Variants in AKAP9 observed in about 807,000 individuals in gnomAD.
AKAP9 encodes the protein A-kinase anchor protein 9.
A neutral mutation model predicts 488.5 loss-of-function variants in AKAP9; 311 were observed. The ratio of observed to expected loss-of-function variants is 0.64; its 90% CI spans 0.58 to 0.70. The LOEUF (loss-of-function observed/expected upper bound fraction) is 0.70, where lower values mean the gene tolerates loss of function less well. Ranked by LOEUF, AKAP9 falls within the 30% of genes least tolerant of loss-of-function variation. The probability of loss-of-function intolerance (pLI) is 0.00; values close to 1 mark genes in which losing one functional copy is unlikely to be tolerated. For missense variants in AKAP9, 4,215 were observed against 4,374.5 expected, an observed-to-expected ratio of 0.96 and a Z score of 1.03; for synonymous variants, 1,462 against 1,483.5, an observed-to-expected ratio of 0.99 and a Z score of 0.33.
In AKAP9 at chr7:92,002,213, C is replaced by A. The variant is rs764776807; in HGVS notation, c.2296C>A (p.Leu766Ile). The A allele has an allele frequency of 3.8e-6, 6 of 1,590,784 alleles. No individual in the cohort carries two copies. Among genetic ancestry groups the A allele is most frequent in the Non-Finnish European group, 5.1e-6 (6 of 1,174,022 alleles). ...ACAGATGAAGGAAAAAGAGAATGAT[C>A]TTCAAGAAAAATTTGCACAACTTGA... The part of the protein sequence containing the change: ...EKQMKEKEND[L>I]QEKFAQLEAE... Residue 766 changes from leucine (L) to isoleucine (I), a missense_variant, in exon 8 of 50, where the codon CTT (leucine) becomes ATT (isoleucine). Physicochemically the swap from Leu to Ile is conservative, Grantham distance 5 (BLOSUM62 2). Around this residue, in one of 5 missense-constraint regions of AKAP9, gnomAD observed 2,361 missense variants for 2,430.0 expected, o/e 0.97. Coordinates refer to ENST00000356239, the MANE Select transcript of AKAP9 (RefSeq NM_005751.5).
chr7:91,981,209 T>C (rs557220465), intron 3 of AKAP9, among the ~76,000 whole-genome samples: 1 of 152,316 alleles, frequency 6.6e-6, no homozygotes, highest in South Asian at 2.1e-4. Flanking sequence ...AAATCACTGC[T>C]TAAAATTCAG....
chr7:91,948,346 A>G (rs1791731825), intron 1 of AKAP9, among the ~76,000 whole-genome samples: 1 of 152,138 alleles, frequency 6.6e-6, no homozygotes, highest in Non-Finnish European at 1.5e-5. Context: ...TTTTTGAGGA[A>G]CTGCCAAACT....
At chr7:92,014,620 C>T (rs548146189) in intron 10 of AKAP9, among the ~76,000 whole-genome samples, 1 of 152,084 alleles carries the variant, frequency 6.6e-6, no homozygotes, top group East Asian at 1.9e-4. Context: ...CAGAGTGGGA[C>T]TCTGTCTCAA....
At chr7:91,962,659 T>G (rs182280422) in intron 1 of AKAP9, among the ~76,000 whole-genome samples, 35 of 152,304 alleles carry the variant, frequency 2.3e-4, no homozygotes, top group Admixed American at 6.5e-4. Flanking sequence ...TAATATGACT[T>G]CATATAATCA....
intron 1 of AKAP9, among the ~76,000 whole-genome samples, chr7:91,960,867 G>A (rs1793646662): frequency 6.6e-6 from 1 of 152,098 alleles, no homozygotes; most frequent in African/African-American, 2.4e-5. Flanking sequence ...CATCTCTTTT[G>A]GAAAGACTTA....
At chr7:92,046,882 ACT>A (rs1193076635) in intron 21 of AKAP9, among the ~76,000 whole-genome samples, 4 of 152,066 alleles carry the variant, frequency 2.6e-5, no homozygotes, top group Admixed American at 2.6e-4. Flanking sequence ...TTCAGAAGAG[ACT>A]CTGAGAATGT....
intron 26 of AKAP9, among the ~76,000 whole-genome samples, chr7:92,069,810 G>A (rs887882163): frequency 1.3e-5 from 2 of 152,176 alleles, no homozygotes; most frequent in Non-Finnish European, 1.5e-5. Context: ...GAGCCCAGGA[G>A]TTTGAGGCTG....
In AKAP9 at chr7:92,065,358, TA is replaced by T. The variant is rs772073741; in HGVS notation, c.6106del (p.Arg2036GlyfsTer3). 1 of 1,613,058 alleles carries T rather than the reference TA, an allele frequency of 6.2e-7. No individual in the cohort carries two copies. Among genetic ancestry groups the T allele is most frequent in the East Asian group, 2.2e-5 (1 of 44,706 alleles). ...AAATAGATGTGGAAGAACAAGTCAG[TA>T]GGTTTATAGAGCTGGAACAAGAAAA... is the stretch of plus-strand genomic sequence containing the variant. ...LEIDVEEQVS[R>X]FIELEQEKNT... On this transcript the variant is annotated frameshift_variant, in exon 25 of 50. Transcript: ENST00000356239. LOFTEE classifies it high-confidence loss of function.
chr7:91,979,323 G>A (rs1796100732), intron 2 of AKAP9, among the ~76,000 whole-genome samples: 1 of 152,144 alleles, frequency 6.6e-6, no homozygotes, highest in Non-Finnish European at 1.5e-5. Flanking sequence ...TGAGAAAAAT[G>A]AGAGCCAAGG....
intron 18 of AKAP9, 97 bp from the exon 19 acceptor site, chr7:92,041,949 C>A: frequency 1.6e-6 from 2 of 1,278,430 alleles, no homozygotes; most frequent in Non-Finnish European, 2.2e-6. Flanking sequence ...AGAACCAGGG[C>A]CTGTTGGTCC....
chr7:92,015,975 C>A (rs1801457356), intron 10 of AKAP9, among the ~76,000 whole-genome samples, 154 bp from the exon 11 acceptor site: 1 of 152,074 alleles, frequency 6.6e-6, no homozygotes, highest in Non-Finnish European at 1.5e-5. Context: ...AGACTTGTTT[C>A]TTTTGCAGAT....
At chr7:92,017,685 G>A (rs1801716085) in intron 12 of AKAP9, among the ~76,000 whole-genome samples, 1 of 152,144 alleles carries the variant, frequency 6.6e-6, no homozygotes, top group Admixed American at 6.5e-5. Flanking sequence ...TTGATGTTCA[G>A]TTAATATTAA....
At chr7:92,106,021 C>A (rs1818460371) in intron 47 of AKAP9, among the ~76,000 whole-genome samples, 1 of 152,252 alleles carries the variant, frequency 6.6e-6, no homozygotes, top group Admixed American at 6.5e-5. Flanking sequence ...GAGAATCTAA[C>A]TAATGCCTGA....
Position 92,099,854 on chromosome 7 carries a change from A to G in AKAP9, c.10881A>G (p.Gly3627=). The part of the protein sequence containing the change: ...EEQIRWYRQT[G]AGRDNSSRFS... Reference sequence around the variant, plus strand: ...AGATCAGGTGGTATCGACAGACAGGAGCTGGTAGAGATAATGTATGTCCAT... The same window carrying G: ...AGATCAGGTGGTATCGACAGACAGGGGCTGGTAGAGATAATGTATGTCCAT... The change falls in exon 44 of 50, where the codon GGA becomes GGG. Residue 3627 remains glycine (G), a synonymous_variant. Transcript: ENST00000356239. 1 of 1,614,010 alleles carries G rather than the reference A, an allele frequency of 6.2e-7. No homozygotes were observed. The highest frequency in any genetic ancestry group is 2.2e-5 in the East Asian group (1 of 44,866).
Position 91,942,079 on chromosome 7 carries a change from C to T in AKAP9, c.48+932C>T, listed in dbSNP as rs554838092. 3.3e-5 allele frequency among the ~76,000 whole-genome samples: 5 copies of T among 152,222 alleles called. No individual in the cohort carries two copies. The East Asian group carries it at 5.8e-4, about 18-fold the overall frequency. On this transcript the variant is annotated intron_variant, in intron 1 of 49. Coordinates refer to ENST00000356239, the MANE Select transcript of AKAP9 (RefSeq NM_005751.5). The stretch of plus-strand genomic sequence containing the variant: ...CATATATTTTGTCTGGGCTCAAAAG[C>T]CCCCTTCCTCCCTTCAATGAAGTCT...
At chr7:91,994,821 G>A (rs1211049449) in intron 6 of AKAP9, 45 bp downstream of exon 6, 1 of 1,554,398 alleles carries the variant, frequency 6.4e-7, no homozygotes, top group East Asian at 2.3e-5. Flanking sequence ...TTTTAGTAAT[G>A]AATTTTAAAA....
intron 21 of AKAP9, among the ~76,000 whole-genome samples, 157 bp downstream of exon 21, chr7:92,045,370 A>G (rs1454958234): frequency 2.0e-5 from 3 of 152,220 alleles, no homozygotes; most frequent in Admixed American, 6.5e-5. Context: ...TTCAAACACC[A>G]TTATTGTATA....
intron 24 of AKAP9, among the ~76,000 whole-genome samples, chr7:92,063,283 T>A (rs2130826180): frequency 6.6e-6 from 1 of 152,316 alleles, no homozygotes; most frequent in South Asian, 2.1e-4. Context: ...ATATGTCATA[T>A]ATGCAAAATA....
intron 12 of AKAP9, among the ~76,000 whole-genome samples, chr7:92,019,659 T>C (rs1226086885): frequency 2.0e-5 from 3 of 150,640 alleles, no homozygotes; most frequent in Admixed American, 1.3e-4. Context: ...ATATAATATA[T>C]ACATATGCAT....
Sources: gnomAD v4.1 joint callset for allele counts (sites outside exome capture counted in the v4.1 genomes callset) on GRCh38, gnomAD v4.1.1 for gene constraint, gnomAD v4.1.1 regional missense constraint, MANE v1.5 for transcripts, NCBI Gene and HGNC (gene_info 2026-07-23, HGNC 2026-07-21) for gene names.